Variants in MRPS5 observed in about 807,000 individuals in gnomAD.
MRPS5 encodes the protein small ribosomal subunit protein uS5m.
In MRPS5, 27 loss-of-function variants were observed where a neutral mutation model predicts 51.9. The ratio of observed to expected loss-of-function variants is 0.52; its 90% CI spans 0.38 to 0.72. The LOEUF is 0.72. MRPS5 is among the 30% of genes least tolerant of loss of function. The pLI is 0.00. For synonymous variants in MRPS5, 196 were observed against 193.2 expected, an observed-to-expected ratio of 1.01 and a Z score of -0.12; for missense variants, 570 against 545.7, an observed-to-expected ratio of 1.04 and a Z score of -0.44.
chr2:95,094,873 C>A (rs1675574853), intron 10 of MRPS5, among the ~76,000 whole-genome samples: 1 of 152,188 alleles, frequency 6.6e-6, no homozygotes, highest in Non-Finnish European at 1.5e-5. Context: ...CAAATTCACA[C>A]ATAACAATAT....
chr2:95,111,743 T>C (rs1676126162), intron 3 of MRPS5, among the ~76,000 whole-genome samples: 1 of 152,246 alleles, frequency 6.6e-6, no homozygotes, highest in Non-Finnish European at 1.5e-5. Context: ...TTTTTCTTTA[T>C]GCATGCATAC....
At chr2:95,103,685 G>C (rs1675866580) in intron 7 of MRPS5, 1 of 152,176 alleles carries the variant, frequency 6.6e-6, no homozygotes, top group Non-Finnish European at 1.5e-5. Flanking sequence ...ATATTCAGCA[G>C]TAGGGAAAAG....
chr2:95,088,820 G>A (rs1675374305), intron 11 of MRPS5, among the ~76,000 whole-genome samples: 1 of 152,224 alleles, frequency 6.6e-6, no homozygotes. Flanking sequence ...TGTAATCCCA[G>A]CACTTTGGGA....
At chr2:95,099,363 TCA>T (rs1038276470) in intron 10 of MRPS5, among the ~76,000 whole-genome samples, 26 of 152,338 alleles carry the variant, frequency 1.7e-4, no homozygotes, top group African/African-American at 6.3e-4. Flanking sequence ...TCAAATGTTC[TCA>T]TAGATGCATT....
intron 1 of MRPS5, among the ~76,000 whole-genome samples, chr2:95,120,786 G>GA (rs1282220220): frequency 1.3e-5 from 2 of 152,152 alleles, no homozygotes; most frequent in African/African-American, 4.8e-5. Context: ...GAAAATGAAG[G>GA]AAAGCTACAA....
chr2:95,102,252 C>T (rs1675824413), intron 7 of MRPS5, among the ~76,000 whole-genome samples: 1 of 151,494 alleles, frequency 6.6e-6, no homozygotes, highest in East Asian at 1.9e-4. Context: ...TTATAAAATC[C>T]AAGGTTAGAT....
intron 4 of MRPS5, among the ~76,000 whole-genome samples, chr2:95,108,809 A>T (rs1173879724): frequency 6.6e-6 from 1 of 152,180 alleles, no homozygotes; most frequent in African/African-American, 2.4e-5. Context: ...GATTTCCAAG[A>T]CCTATTATTG....
At chr2:95,112,537 T>A (rs1676152698) in intron 3 of MRPS5, among the ~76,000 whole-genome samples, 1 of 152,230 alleles carries the variant, frequency 6.6e-6, no homozygotes, top group African/African-American at 2.4e-5. Context: ...GTTTATAAGA[T>A]TCAATATTCA....
intron 10 of MRPS5, among the ~76,000 whole-genome samples, chr2:95,099,193 C>A (rs1427684109): frequency 6.6e-6 from 1 of 151,166 alleles, no homozygotes; most frequent in Non-Finnish European, 1.5e-5. Context: ...GCTGGTATTA[C>A]AGGCGTGAGC....
chr2:95,117,228 TTCC>T (rs969086800), intron 2 of MRPS5, among the ~76,000 whole-genome samples: 1 of 152,052 alleles, frequency 6.6e-6, no homozygotes, highest in Non-Finnish European at 1.5e-5. Flanking sequence ...GATGAACTTC[TTCC>T]TCCTAATTTA....
At chr2:95,111,241 G>C (rs1349332009) in intron 3 of MRPS5, among the ~76,000 whole-genome samples, 4 of 152,148 alleles carry the variant, frequency 2.6e-5, no homozygotes, top group Non-Finnish European at 5.9e-5. Flanking sequence ...AAAGACCACA[G>C]GCTCAAAATA....
chr2:95,099,506 G>A (rs1675735991), intron 10 of MRPS5, among the ~76,000 whole-genome samples: 1 of 151,716 alleles, frequency 6.6e-6, no homozygotes, highest in South Asian at 2.1e-4. Context: ...TTTTGTACTA[G>A]GTCTTTGAAT....
intron 10 of MRPS5, chr2:95,093,714 A>T (rs779373398): frequency 6.6e-6 from 1 of 152,216 alleles, no homozygotes. Flanking sequence ...TCCACACCAA[A>T]ACCCCATCTG....
At chr2:95,109,879 T>C in intron 4 of MRPS5, 37 bp downstream of exon 4, 1 of 1,592,370 alleles carries the variant, frequency 6.3e-7, no homozygotes, top group Non-Finnish European at 8.5e-7. Flanking sequence ...GTAAGAAACT[T>C]ACAAAGCACT....
rs368163503 is a variant in MRPS5, at chr2:95,117,889, C to A, written c.115G>T (p.Ala39Ser). 1.1e-5 allele frequency: 17 copies of A among 1,608,532 alleles called. No homozygotes were observed. Among genetic ancestry groups the A allele is most frequent in the Non-Finnish European group, 1.4e-5 (16 of 1,178,752 alleles). ...CCATTGCCGAGAACACTCTTCCATG[C>A]CAAAATGGAAGCTGCTGGTAAGGTG... ...LNTLPAASILAWKSVLGNGHL... is the reference protein window; with the variant it reads ...LNTLPAASILSWKSVLGNGHL... Residue 39 changes from alanine (A) to serine (S), a missense_variant, in exon 2 of 12, where the codon GCA becomes TCA. By Grantham distance (99) the Ala-to-Ser change is moderately conservative. Transcript: ENST00000272418.
intron 5 of MRPS5, 32 bp from the exon 6 acceptor site, chr2:95,106,489 GA>G: frequency 6.4e-7 from 1 of 1,570,466 alleles, no homozygotes; most frequent in Non-Finnish European, 8.8e-7. Context: ...GGATACAGAT[GA>G]AATGTGTGTA....
chr2:95,106,601 A>G (rs1372561583), intron 5 of MRPS5, 144 bp from the exon 6 acceptor site: 1 of 697,526 alleles, frequency 1.4e-6, no homozygotes, highest in Non-Finnish European at 2.6e-6. Context: ...GCCATGCCCC[A>G]GTCACCCCTC....
chr2:95,114,690 G>C (rs145977580), intron 3 of MRPS5, among the ~76,000 whole-genome samples: 1 of 152,334 alleles, frequency 6.6e-6, no homozygotes, highest in Non-Finnish European at 1.5e-5. Context: ...AATAAGACTA[G>C]TGTTAGTGAA....
At chr2:95,106,596 G>T in intron 5 of MRPS5, 139 bp from the exon 6 acceptor site, 1 of 715,018 alleles carries the variant, frequency 1.4e-6, no homozygotes, top group Non-Finnish European at 2.5e-6. Flanking sequence ...TCAAGGCCAT[G>T]CCCCAGTCAC....
Sources: gnomAD v4.1 joint callset for allele counts (sites outside exome capture counted in the v4.1 genomes callset) on GRCh38, gnomAD v4.1.1 for gene constraint, MANE v1.5 for transcripts, NCBI Gene and HGNC (gene_info 2026-07-23, HGNC 2026-07-21) for gene names.